Variants in CHRNA1 observed in about 807,000 individuals in gnomAD.
CHRNA1 encodes acetylcholine receptor subunit alpha.
CHRNA1 carries 35 observed loss-of-function variants against 47.1 expected under a neutral mutation model. The observed-to-expected ratio is 0.74, with a 90% confidence interval of 0.57 to 0.99. The LOEUF (loss-of-function observed/expected upper bound fraction) is 0.99. Ranked by LOEUF, CHRNA1 falls within the 50% of genes least tolerant of loss-of-function variation. The pLI, the probability that CHRNA1 is intolerant of heterozygous loss-of-function variation, is 0.00. For missense variants in CHRNA1, 506 were observed against 591.1 expected (o/e 0.86, Z 1.49); for synonymous variants, 229 against 223.6 (o/e 1.02, Z -0.22).
chr2:174,750,114 CA>C lies in CHRNA1; in HGVS notation c.833del (p.Leu278ArgfsTer6). ...TGGAGGGGATCAGCTCCACGATGACCAGAAGGAACACAGTCAAAGACAGTAA... is the reference window on the plus strand; with the variant it reads ...TGGAGGGGATCAGCTCCACGATGACCGAAGGAACACAGTCAAAGACAGTAA... ...SVLLSLTVFL[L>X]VIVELIPSTS... On this transcript the variant is annotated frameshift_variant, in exon 7 of 9. Transcript: ENST00000348749. LOFTEE classifies it high-confidence loss of function. 1 of 1,613,034 alleles carries C rather than the reference CA, an allele frequency of 6.2e-7. No individual in the cohort carries two copies. Among genetic ancestry groups the C allele is most frequent in the South Asian group, 1.1e-5 (1 of 91,036 alleles).
At chr2:174,753,126 T>G in intron 6 of CHRNA1, 1 of 496,170 alleles carries the variant, frequency 2.0e-6, no homozygotes, top group Non-Finnish European at 3.7e-6. Flanking sequence ...AGTCAGTACA[T>G]AGAAAGTGAC....
At chr2:174,762,785 TAAG>T (rs1684122688) in intron 1 of CHRNA1, among the ~76,000 whole-genome samples, 1 of 152,242 alleles carries the variant, frequency 6.6e-6, no homozygotes, top group Admixed American at 6.5e-5. Flanking sequence ...GGACTGATTC[TAAG>T]AAGGGAAACT....
chr2:174,761,818 C>G (rs1222427897), intron 1 of CHRNA1, among the ~76,000 whole-genome samples: 1 of 152,226 alleles, frequency 6.6e-6, no homozygotes, highest in Non-Finnish European at 1.5e-5. Flanking sequence ...ATTTTCTATC[C>G]TGGGCCTCAT....
Position 174,748,092 on chromosome 2 carries a change from C to T in CHRNA1, c.*32G>A. 1.2e-6 allele frequency: 2 copies of T among 1,613,476 alleles called. No individual in the cohort carries two copies. Among genetic ancestry groups the T allele is most frequent in the Non-Finnish European group, 1.7e-6 (2 of 1,179,948 alleles). ...TGCCCTTCTCTGCTCTGGTAGGTTC[C>T]AGGGCAGAGCTAAGCTCAGCTCATT... On this transcript the variant is annotated 3_prime_UTR_variant, in exon 9 of 9. Transcript: ENST00000348749.
chr2:174,762,320 T>C (rs2600685), intron 1 of CHRNA1, among the ~76,000 whole-genome samples: 70,562 of 152,096 alleles, frequency 0.46, 16,872 homozygotes, highest in East Asian at 0.74. Flanking sequence ...TAGTTCTTCA[T>C]GGATTCAACG....
chr2:174,747,856 C>T lies in CHRNA1; in HGVS notation c.*268G>A, dbSNP rs1683761542. Reference sequence around the variant, plus strand: ...TTATCCTGGCAAAAACTCTTCCAGACACTGGAAATGAACACTTTTTTTAGT... The same window carrying T: ...TTATCCTGGCAAAAACTCTTCCAGATACTGGAAATGAACACTTTTTTTAGT... On this transcript the variant is annotated 3_prime_UTR_variant, in exon 9 of 9. Coordinates refer to ENST00000348749, the MANE Select transcript of CHRNA1 (RefSeq NM_000079.4). 4 of 421,882 alleles carry T rather than the reference C, an allele frequency of 9.5e-6. No homozygotes were observed. The highest frequency in any genetic ancestry group is 6.8e-5 in the South Asian group (3 of 44,304). 26.1% of individuals were successfully genotyped at this position (421,882 alleles called of 1,614,324 possible).
chr2:174,748,433 G>T, intron 8 of CHRNA1, 147 bp downstream of exon 8: 1 of 1,353,448 alleles, frequency 7.4e-7, no homozygotes. Context: ...AACTTACTAA[G>T]GTGGTCTAGA....
intron 6 of CHRNA1, chr2:174,752,992 G>A (rs1683887747): frequency 1.4e-5 from 3 of 220,666 alleles, no homozygotes; most frequent in Non-Finnish European, 2.8e-5. Context: ...AGGCTGATAT[G>A]TGAGAAAGAA....
intron 4 of CHRNA1, among the ~76,000 whole-genome samples, chr2:174,756,609 G>A (rs1230494420): frequency 5.3e-5 from 8 of 152,178 alleles, no homozygotes; most frequent in Non-Finnish European, 1.2e-4. Flanking sequence ...TACTGGAAGA[G>A]AAACTGAAAG....
intron 3 of CHRNA1, among the ~76,000 whole-genome samples, chr2:174,758,887 TTAAA>T (rs1432520725): frequency 6.6e-6 from 1 of 151,946 alleles, no homozygotes; most frequent in Non-Finnish European, 1.5e-5. Flanking sequence ...ATATATGTAT[TTAAA>T]TATACATATA....
intron 6 of CHRNA1, among the ~76,000 whole-genome samples, chr2:174,751,357 G>A (rs1421501581): frequency 6.6e-6 from 1 of 152,118 alleles, no homozygotes; most frequent in Non-Finnish European, 1.5e-5. Context: ...CTTGCTGTTG[G>A]TGCTGCTGGA....
At chr2:174,752,434 G>A (rs2105346901) in intron 6 of CHRNA1, among the ~76,000 whole-genome samples, 1 of 152,220 alleles carries the variant, frequency 6.6e-6, no homozygotes, top group East Asian at 1.9e-4. Flanking sequence ...GCCGAGTGTG[G>A]TGGCACATGC....
chr2:174,754,507 T>C (rs1683933820), intron 4 of CHRNA1, 93 bp from the exon 5 acceptor site: 2 of 1,058,936 alleles, frequency 1.9e-6, no homozygotes, highest in Non-Finnish European at 1.4e-6. Context: ...CTGTTAATTA[T>C]TCAGGTGCTA....
At chr2:174,749,763 G>C (rs1683809430) in intron 7 of CHRNA1, among the ~76,000 whole-genome samples, 183 bp downstream of exon 7, 1 of 152,200 alleles carries the variant, frequency 6.6e-6, no homozygotes. Context: ...CTCTGGGAAG[G>C]CTACAGGAGT....
chr2:174,757,321 T>G (rs1335794832), intron 4 of CHRNA1, among the ~76,000 whole-genome samples: 3 of 150,034 alleles, frequency 2.0e-5, no homozygotes, highest in Non-Finnish European at 4.5e-5. Context: ...TTAGAGTGAT[T>G]TTTTTTTTTA....
At chr2:174,752,465 G>A (rs904222989) in intron 6 of CHRNA1, among the ~76,000 whole-genome samples, 2 of 152,134 alleles carry the variant, frequency 1.3e-5, no homozygotes, top group African/African-American at 4.8e-5. Flanking sequence ...AGCTACTCAG[G>A]AGGCTGAGGT....
rs112674580 is a variant in CHRNA1, at chr2:174,754,215, C to G, written c.540+4G>C. 5,075 of 1,613,022 alleles carry G rather than the reference C, an allele frequency of 3.1e-3. 139 individuals carry two copies. In the African/African-American group the frequency reaches 0.06, roughly 19 times the overall value. On this transcript the variant is annotated splice_donor_region_variant and intron_variant, in intron 5 of 8. Transcript: ENST00000348749. ...CACCCTTATCATATGTGGCCACCAC[C>G]TACCGGGTTGATGGCCACGACAGAG...
chr2:174,760,881 A>G (rs1684088887), intron 1 of CHRNA1, among the ~76,000 whole-genome samples: 1 of 152,188 alleles, frequency 6.6e-6, no homozygotes, highest in Admixed American at 6.5e-5. Flanking sequence ...CCTTCAGTAT[A>G]GAGAGCAATA....
chr2:174,754,780 C>T (rs1683940824), intron 4 of CHRNA1, among the ~76,000 whole-genome samples: 2 of 152,050 alleles, frequency 1.3e-5, no homozygotes, highest in African/African-American at 4.8e-5. Context: ...CTATCACCTC[C>T]CTGATGTACT....
Sources: allele counts gnomAD v4.1 joint callset (sites outside exome capture counted in the v4.1 genomes callset), GRCh38; gene constraint gnomAD v4.1.1; transcripts MANE v1.5; gene names NCBI Gene and HGNC (gene_info 2026-07-23, HGNC 2026-07-21).